PAPPA2: variants seen among roughly 807,000 people sequenced by gnomAD.
PAPPA2 encodes pappalysin 2, also known as pappalysin-2.
A neutral mutation model predicts 176.4 loss-of-function variants in PAPPA2; 86 were observed. The ratio of observed to expected loss-of-function variants is 0.49; its 90% CI spans 0.41 to 0.58. PAPPA2 has a LOEUF of 0.58. PAPPA2 is among the 20% of genes least tolerant of loss of function. The probability of loss-of-function intolerance (pLI) is 0.00; values close to 1 mark genes in which losing one functional copy is unlikely to be tolerated. For missense variants in PAPPA2, 2,073 were observed against 2,256.9 expected, an observed-to-expected ratio of 0.92 and a Z score of 1.65; for synonymous variants, 809 against 852.2, an observed-to-expected ratio of 0.95 and a Z score of 0.88.
intron 1 of PAPPA2, among the ~76,000 whole-genome samples, chr1:176,479,456 C>A (rs1272618069): frequency 6.6e-6 from 1 of 152,100 alleles, no homozygotes; most frequent in Non-Finnish European, 1.5e-5. Context: ...CTCTGCTCAC[C>A]AGGCTAGCAG....
intron 6 of PAPPA2, among the ~76,000 whole-genome samples, chr1:176,695,398 A>G (rs1024189449): frequency 1.3e-5 from 2 of 152,194 alleles, no homozygotes; most frequent in Admixed American, 6.5e-5. Flanking sequence ...TTGAGAGTCA[A>G]TGTAGAAGGG....
intron 1 of PAPPA2, among the ~76,000 whole-genome samples, chr1:176,516,255 A>C (rs1648904539): frequency 6.6e-6 from 1 of 150,950 alleles, no homozygotes; most frequent in Admixed American, 6.6e-5. Flanking sequence ...CCTCGGAGTC[A>C]AATGAAGAGA....
chr1:176,579,435 G>A lies in PAPPA2; in HGVS notation c.920-15089G>A, dbSNP rs999319577. 3.3e-5 allele frequency among the ~76,000 whole-genome samples: 5 copies of A among 152,156 alleles called. No individual in the cohort carries two copies. In the East Asian group the frequency reaches 7.7e-4, roughly 23 times the overall value. On this transcript the variant is annotated intron_variant, in intron 2 of 22. Coordinates refer to ENST00000367662, the MANE Select transcript of PAPPA2 (RefSeq NM_020318.3). The stretch of plus-strand genomic sequence containing the variant: ...GGGCCACCCAGAAATTTTACCAAAT[G>A]TTCGGCAAGGCAGCCTGTCAATTTA...
rs143871247 is a variant in PAPPA2 at position 176,561,394 on chromosome 1, G to C, written c.919+4153G>C. On this transcript the variant is annotated intron_variant, in intron 2 of 22. Transcript: ENST00000367662. The stretch of plus-strand genomic sequence containing the variant: ...AACAGTGGGAGGCAATCATTACTGG[G>C]AGCAGCACGTTAACCTGCTTGTCTT... Among the ~76,000 whole-genome samples the C allele has an allele frequency of 3.2e-3, 483 of 152,276 alleles. 3 individuals are homozygous for C. Among genetic ancestry groups the C allele is most frequent in the African/African-American group, 0.01 (416 of 41,556 alleles).
At chr1:176,680,179 T>C (rs532040695) in intron 4 of PAPPA2, among the ~76,000 whole-genome samples, 133 of 152,130 alleles carry the variant, frequency 8.7e-4, no homozygotes, top group Admixed American at 1.6e-3. Context: ...AAAGGCAAAA[T>C]AAAAGATGCC....
intron 5 of PAPPA2, 52 bp from the exon 6 acceptor site, chr1:176,692,074 A>C: frequency 3.3e-6 from 5 of 1,517,814 alleles, no homozygotes; most frequent in Non-Finnish European, 4.5e-6. Context: ...GCCTTGGTGG[A>C]CTTGATGGGT....
At chr1:176,770,391 T>A (rs1050964997) in intron 16 of PAPPA2, among the ~76,000 whole-genome samples, 1 of 152,194 alleles carries the variant, frequency 6.6e-6, no homozygotes, top group South Asian at 2.1e-4. Flanking sequence ...CTAAGGCATA[T>A]GGTATAGTGT....
At chr1:176,823,403 A>T (rs748346848) in intron 21 of PAPPA2, among the ~76,000 whole-genome samples, 1 of 152,240 alleles carries the variant, frequency 6.6e-6, no homozygotes, top group Non-Finnish European at 1.5e-5. Flanking sequence ...AAGGTAGATC[A>T]TTAGATCTCT....
At chr1:176,546,937 G>C (rs1454786557) in intron 1 of PAPPA2, among the ~76,000 whole-genome samples, 1 of 152,064 alleles carries the variant, frequency 6.6e-6, no homozygotes, top group Non-Finnish European at 1.5e-5. Context: ...GACCAAAAAT[G>C]GTGTCATTGA....
At chr1:176,792,523 A>G (rs1389304373) in intron 19 of PAPPA2, among the ~76,000 whole-genome samples, 3 of 152,048 alleles carry the variant, frequency 2.0e-5, no homozygotes, top group East Asian at 1.9e-4. Flanking sequence ...CAAGCCTCCA[A>G]TTTCTGCGTT....
rs1310852318 is a variant in PAPPA2, at chr1:176,556,591, A to G, written c.269A>G (p.His90Arg). The change falls in exon 2 of 23, where the codon CAT becomes CGT. Residue 90 changes from histidine (H) to arginine (R), a missense_variant. His to Arg is a conservative substitution (Grantham distance 29). Around this residue, in one of 4 missense-constraint regions of PAPPA2, gnomAD observed 1,196 missense variants for 1,330.4 expected, o/e 0.90. Coordinates refer to ENST00000367662, the MANE Select transcript of PAPPA2 (RefSeq NM_020318.3). ...RPYPVGEQEI[H>R]HTGRSKPDTE... ...TACCCCGTGGGGGAGCAAGAAATCC[A>G]TCATACAGGACGCAGCAAACCAGAC... 1.2e-6 allele frequency: 2 copies of G among 1,614,206 alleles called. No individual in the cohort carries two copies. The highest frequency in any genetic ancestry group is 1.7e-6 in the Non-Finnish European group (2 of 1,180,038).
At chr1:176,666,838 T>C (rs1375144593) in intron 3 of PAPPA2, among the ~76,000 whole-genome samples, 17 of 151,958 alleles carry the variant, frequency 1.1e-4, no homozygotes, top group Non-Finnish European at 2.4e-4. Context: ...GAACTGAAAA[T>C]CTTAATGAGA....
chr1:176,489,504 G>A lies in PAPPA2; in HGVS notation c.-917+26086G>A, dbSNP rs189458313. Among the ~76,000 whole-genome samples, 37 of 152,302 alleles carry A rather than the reference G, an allele frequency of 2.4e-4. No individual in the cohort carries two copies. In the East Asian group the frequency reaches 4.6e-3, roughly 19 times the overall value. On this transcript the variant is annotated intron_variant, in intron 1 of 22. Transcript: ENST00000367662. Reference sequence around the variant, plus strand: ...AGTTCTCCAGAGAGGCTGGTGACACGTTATAATTGGTAGGTAAATGCCTGA... The same window carrying A: ...AGTTCTCCAGAGAGGCTGGTGACACATTATAATTGGTAGGTAAATGCCTGA...
At position 176,594,385 on chromosome 1, in the gene PAPPA2, G is replaced by T. The variant is rs1027150925; in HGVS notation, c.920-139G>T. On this transcript the variant is annotated intron_variant, in intron 2 of 22. Transcript: ENST00000367662. The stretch of plus-strand genomic sequence containing the variant: ...ATAGGGATATGAGCAGGCATCTCAG[G>T]TGAGAAATCTGTGTCGCTTACTTTA... 10 of 705,810 alleles carry T rather than the reference G, an allele frequency of 1.4e-5. No homozygotes were observed. The African/African-American group carries it at 1.8e-4, about 13-fold the overall frequency. 43.7% of individuals were successfully genotyped at this position (705,810 alleles called of 1,614,324 possible). A position where few individuals can be genotyped will look rare whatever the true frequency, so the allele number is the denominator to read the frequency against.
chr1:176,518,872 A>G (rs1410102092), intron 1 of PAPPA2, among the ~76,000 whole-genome samples: 1 of 152,150 alleles, frequency 6.6e-6, no homozygotes, highest in East Asian at 1.9e-4. Flanking sequence ...TTACTGGAAA[A>G]GCAACTTAAA....
chr1:176,725,197 T>C (rs987596129), intron 12 of PAPPA2, among the ~76,000 whole-genome samples: 2 of 152,246 alleles, frequency 1.3e-5, no homozygotes, highest in African/African-American at 4.8e-5. Flanking sequence ...TTTCATATAA[T>C]TTTCATATTA....
At chr1:176,835,195 C>A (rs1483058907) in intron 21 of PAPPA2, among the ~76,000 whole-genome samples, 8 of 152,136 alleles carry the variant, frequency 5.3e-5, no homozygotes, top group Non-Finnish European at 1.0e-4. Flanking sequence ...GAACAGAAGA[C>A]CCAATATCTA....
intron 14 of PAPPA2, among the ~76,000 whole-genome samples, chr1:176,750,761 A>G (rs1015553947): frequency 6.6e-6 from 1 of 152,230 alleles, no homozygotes; most frequent in Non-Finnish European, 1.5e-5. Flanking sequence ...AAGAGAAAAT[A>G]CATTTACAAT....
chr1:176,552,413 G>A (rs763070201), intron 1 of PAPPA2, among the ~76,000 whole-genome samples: 1 of 128,466 alleles, frequency 7.8e-6, no homozygotes, highest in Non-Finnish European at 1.6e-5. Flanking sequence ...CCTTACCCCT[G>A]CCTGTCCTTC....
Sources: allele counts gnomAD v4.1 joint callset (sites outside exome capture counted in the v4.1 genomes callset), GRCh38; gene constraint gnomAD v4.1.1; regional missense constraint gnomAD v4.1.1; transcripts MANE v1.5; gene names NCBI Gene and HGNC (gene_info 2026-07-23, HGNC 2026-07-21).